Variants in NAALADL2 observed in about 807,000 individuals in gnomAD.
The protein encoded by NAALADL2 is N-acetylated alpha-linked acidic dipeptidase like 2.
In NAALADL2, 76 loss-of-function variants were observed where a neutral mutation model predicts 87.2. The observed-to-expected ratio is 0.87, with a 90% CI of 0.72 to 1.05. The LOEUF (loss-of-function observed/expected upper bound fraction) is 1.05, where lower values mean the gene tolerates loss of function less well. Among genes scored for constraint, NAALADL2 ranks in the 50% least tolerant of loss-of-function variants. The probability of loss-of-function intolerance (pLI) is 0.00; values close to 1 mark genes in which losing one functional copy is unlikely to be tolerated. For missense variants in NAALADL2, 1,089 were observed against 945.8 expected (o/e 1.15, Z -1.99); for synonymous variants, 354 against 331.0 (o/e 1.07, Z -0.75).
rs1287705242 is a variant in NAALADL2, at chr3:175,314,698, A to AAC, written c.940-9477_940-9476insAC. Reference sequence around the variant, plus strand: ...TATATATATATATATATATATATATATATATATATATATATATATATATAG... The same window carrying AAC: ...TATATATATATATATATATATATATAACTATATATATATATATATATATATAG... On this transcript the variant is annotated intron_variant, in intron 4 of 13. Transcript: ENST00000454872. Among the ~76,000 whole-genome samples the AAC allele has an allele frequency of 9.9e-4, 97 of 97,818 alleles. 7 individuals are homozygous for AAC. Among genetic ancestry groups the AAC allele is most frequent in the African/African-American group, 2.4e-3 (63 of 26,196 alleles). 64.2% of individuals were successfully genotyped at this position (97,818 alleles called of 152,430 possible).
intron 2 of NAALADL2, among the ~76,000 whole-genome samples, chr3:174,578,438 AAGG>A (rs1377485943): frequency 1.1e-4 from 17 of 152,148 alleles, no homozygotes; most frequent in African/African-American, 3.8e-4. Context: ...ATCAGAAACA[AAGG>A]AGATCAGCAG....
chr3:174,562,883 T>TGG (rs1713795349), intron 2 of NAALADL2, among the ~76,000 whole-genome samples: 3 of 152,260 alleles, frequency 2.0e-5, no homozygotes, highest in Non-Finnish European at 2.9e-5. Context: ...TTGACCTTTC[T>TGG]GAAAATAGTT....
At chr3:175,391,230 G>C (rs530346214) in intron 5 of NAALADL2, among the ~76,000 whole-genome samples, 1 of 152,144 alleles carries the variant, frequency 6.6e-6, no homozygotes, top group Non-Finnish European at 1.5e-5. Context: ...ACCTCATGTT[G>C]GGATTATTTA....
chr3:175,260,511 C>T (rs745916457), intron 4 of NAALADL2, among the ~76,000 whole-genome samples: 3 of 152,138 alleles, frequency 2.0e-5, no homozygotes, highest in Non-Finnish European at 2.9e-5. Flanking sequence ...AGCATGATTA[C>T]GGCCCAATTT....
intron 11 of NAALADL2, among the ~76,000 whole-genome samples, chr3:175,633,055 A>C (rs2149733235): frequency 6.6e-6 from 1 of 152,192 alleles, no homozygotes; most frequent in East Asian, 1.9e-4. Flanking sequence ...CAGCTGAGGA[A>C]GAGTAAAATG....
At chr3:174,620,478 A>G (rs979744352) in intron 2 of NAALADL2, among the ~76,000 whole-genome samples, 54 of 151,946 alleles carry the variant, frequency 3.6e-4, no homozygotes, top group African/African-American at 1.3e-3. Context: ...TTAATAGGGC[A>G]TTAATACTTG....
At chr3:175,112,761 T>C (rs751684172) in intron 2 of NAALADL2, among the ~76,000 whole-genome samples, 1 of 151,674 alleles carries the variant, frequency 6.6e-6, no homozygotes, top group Non-Finnish European at 1.5e-5. Context: ...TTTAGGAACA[T>C]ACGGTCATAT....
At chr3:174,662,722 C>T (rs1725614841) in intron 2 of NAALADL2, among the ~76,000 whole-genome samples, 3 of 152,164 alleles carry the variant, frequency 2.0e-5, no homozygotes, top group African/African-American at 7.2e-5. Flanking sequence ...TGTAGCTTGG[C>T]TATGATATTC....
intron 3 of NAALADL2, among the ~76,000 whole-genome samples, chr3:174,825,104 A>G (rs1198752918): frequency 6.6e-6 from 1 of 152,192 alleles, no homozygotes; most frequent in Non-Finnish European, 1.5e-5. Flanking sequence ...TTCCAGAAAA[A>G]TAGAACCAGT....
intron 1 of NAALADL2, among the ~76,000 whole-genome samples, chr3:175,083,290 T>C (rs934558692): frequency 1.3e-5 from 2 of 152,192 alleles, no homozygotes; most frequent in African/African-American, 2.4e-5. Context: ...TTTCAGAGAT[T>C]GGAGAAATTC....
At position 175,189,760 on chromosome 3, in the gene NAALADL2, G is replaced by A. The variant is rs186618581; in HGVS notation, c.546-44171G>A. ...CCATAAAAGATGTTGAATAGCCAAA[G>A]TAATTCTGAGAAAGAAAAACAGCAT... On this transcript the variant is annotated intron_variant, in intron 2 of 13. Coordinates refer to ENST00000454872, the MANE Select transcript of NAALADL2 (RefSeq NM_207015.3). Among the ~76,000 whole-genome samples, 22 of 152,220 alleles carry A rather than the reference G, an allele frequency of 1.4e-4. No homozygotes were observed. The East Asian group carries it at 4.2e-3, about 29-fold the overall frequency.
At chr3:175,553,042 A>G (rs1365940268) in intron 9 of NAALADL2, among the ~76,000 whole-genome samples, 2 of 152,176 alleles carry the variant, frequency 1.3e-5, no homozygotes, top group African/African-American at 2.4e-5. Context: ...GCCTTTCAGT[A>G]TACTCAGTGT....
chr3:175,476,071 C>T (rs4558764), intron 9 of NAALADL2, among the ~76,000 whole-genome samples: 1 of 152,044 alleles, frequency 6.6e-6, no homozygotes, highest in Non-Finnish European at 1.5e-5. Flanking sequence ...GTCTCTGAAA[C>T]AGTAGCAAAG....
intron 4 of NAALADL2, among the ~76,000 whole-genome samples, chr3:175,262,859 CT>C (rs1388099048): frequency 6.6e-6 from 1 of 151,786 alleles, no homozygotes; most frequent in Non-Finnish European, 1.5e-5. Context: ...AAACTTGCCT[CT>C]TTTTTTATTA....
At chr3:175,700,212 T>A (rs1377879924) in intron 11 of NAALADL2, among the ~76,000 whole-genome samples, 4 of 152,162 alleles carry the variant, frequency 2.6e-5, no homozygotes, top group African/African-American at 9.7e-5. Context: ...AAAGTAAGAC[T>A]GGCTTTTGAA....
In NAALADL2 at chr3:175,466,995, T is replaced by C. The variant is rs1387280764; in HGVS notation, c.1344T>C (p.Val448=). The C allele has an allele frequency of 6.2e-7, 1 of 1,613,370 alleles. No individual in the cohort carries two copies. The highest frequency in any genetic ancestry group is 2.2e-5 in the East Asian group (1 of 44,878). The stretch of plus-strand genomic sequence containing the variant: ...TATTTTCAGACCGGTATATCATAGT[T>C]GGCAGCCATCATCACACTGCACACA... ...GLTSPDRYII[V]GSHHHTAHSY... is the part of the protein sequence containing the mutation. The change falls in exon 8 of 14, where the codon GTT becomes GTC. Residue 448 remains valine, a synonymous_variant. Coordinates refer to ENST00000454872, the MANE Select transcript of NAALADL2 (RefSeq NM_207015.3).
intron 10 of NAALADL2, among the ~76,000 whole-genome samples, chr3:175,584,138 A>T (rs1332930374): frequency 6.6e-6 from 1 of 151,896 alleles, no homozygotes; most frequent in African/African-American, 2.4e-5. Context: ...CCGAGGTTCA[A>T]GCAATTCTCC....
At chr3:174,548,517 A>G (rs1396205420) in intron 1 of NAALADL2, among the ~76,000 whole-genome samples, 1 of 152,200 alleles carries the variant, frequency 6.6e-6, no homozygotes, top group Non-Finnish European at 1.5e-5. Flanking sequence ...TACTTTAAAA[A>G]TACAAAAAGC....
At chr3:174,511,581 A>T (rs2108391795) in intron 1 of NAALADL2, among the ~76,000 whole-genome samples, 1 of 151,812 alleles carries the variant, frequency 6.6e-6, no homozygotes, top group African/African-American at 2.4e-5. Flanking sequence ...GATGGTAAAT[A>T]GTTTTTTTTA....
Sources: gnomAD v4.1 joint callset for allele counts (sites outside exome capture counted in the v4.1 genomes callset) on GRCh38, gnomAD v4.1.1 for gene constraint, MANE v1.5 for transcripts, NCBI Gene and HGNC (gene_info 2026-07-23, HGNC 2026-07-21) for gene names.